Variants in C7orf78 observed in about 807,000 individuals in gnomAD.
C7orf78 encodes the protein chromosome 7 open reading frame 78, also known as putative uncharacterized protein C7orf78.
At chr7:12,507,866 G>C in the C7orf78 span, among the ~76,000 whole-genome samples, 1 of 152,050 alleles carries the variant, frequency 6.6e-6, no homozygotes, top group Non-Finnish European at 1.5e-5. Context: ...AAATACCATG[G>C]GTTTTGTGCA....
At chr7:12,535,799 T>G in the C7orf78 span, among the ~76,000 whole-genome samples, 433 of 152,338 alleles carry the variant, frequency 2.8e-3, 3 homozygotes, top group African/African-American at 9.5e-3. Flanking sequence ...ACAAAGGGGC[T>G]ACAGACCCCA....
the C7orf78 span, among the ~76,000 whole-genome samples, chr7:12,520,629 T>G: frequency 2.0e-5 from 3 of 152,216 alleles, no homozygotes; most frequent in African/African-American, 7.2e-5. Context: ...TGTTTAGACT[T>G]GCTTTGTGGC....
the C7orf78 span, among the ~76,000 whole-genome samples, chr7:12,509,358 C>G: frequency 6.6e-6 from 1 of 152,216 alleles, no homozygotes; most frequent in African/African-American, 2.4e-5. Context: ...AAAGATCTTA[C>G]GATAGAACTA....
the C7orf78 span, among the ~76,000 whole-genome samples, chr7:12,500,599 A>G: frequency 1.4e-3 from 211 of 151,672 alleles, 1 homozygote; most frequent in Middle Eastern, 0.027. Flanking sequence ...TAGCTTACCA[A>G]CCAAAAAGAG....
At chr7:12,497,645 C>T in the C7orf78 span, among the ~76,000 whole-genome samples, 1 of 152,046 alleles carries the variant, frequency 6.6e-6, no homozygotes, top group Non-Finnish European at 1.5e-5. Flanking sequence ...AAGGCGGCAG[C>T]GAGGCTGGGG....
At chr7:12,516,042 G>A in the C7orf78 span, among the ~76,000 whole-genome samples, 2 of 152,220 alleles carry the variant, frequency 1.3e-5, no homozygotes, top group African/African-American at 4.8e-5. Context: ...GGAGCCAAAT[G>A]TTAATTCCCA....
At chr7:12,509,647 T>C in the C7orf78 span, among the ~76,000 whole-genome samples, 1 of 152,230 alleles carries the variant, frequency 6.6e-6, no homozygotes, top group Non-Finnish European at 1.5e-5. Context: ...CAGTCTCTGA[T>C]ATTCATCATT....
the C7orf78 span, among the ~76,000 whole-genome samples, chr7:12,484,384 T>C: frequency 6.6e-6 from 1 of 152,230 alleles, no homozygotes; most frequent in Non-Finnish European, 1.5e-5. Context: ...ATGTACTTTC[T>C]GATTAAATTT....
At chr7:12,532,803 C>G in the C7orf78 span, among the ~76,000 whole-genome samples, 1 of 152,072 alleles carries the variant, frequency 6.6e-6, no homozygotes, top group African/African-American at 2.4e-5. Context: ...AGAGAGGCTA[C>G]TCAGTAAGAT....
chr7:12,489,943 A>G, the C7orf78 span, among the ~76,000 whole-genome samples: 2 of 152,152 alleles, frequency 1.3e-5, no homozygotes, highest in African/African-American at 4.8e-5. Flanking sequence ...TCTAAAAGCC[A>G]TGATTGGTGT....
At chr7:12,505,603 T>A in the C7orf78 span, among the ~76,000 whole-genome samples, 1 of 152,196 alleles carries the variant, frequency 6.6e-6, no homozygotes, top group Non-Finnish European at 1.5e-5. Flanking sequence ...TCTTTTATTT[T>A]CAGTGCAACA....
the C7orf78 span, among the ~76,000 whole-genome samples, chr7:12,499,053 C>T: frequency 1.3e-5 from 2 of 151,932 alleles, no homozygotes; most frequent in Non-Finnish European, 2.9e-5. Flanking sequence ...TTGTCACCAC[C>T]AGGCCTGCCC....
At chr7:12,522,354 A>G in the C7orf78 span, among the ~76,000 whole-genome samples, 1 of 152,110 alleles carries the variant, frequency 6.6e-6, no homozygotes, top group Non-Finnish European at 1.5e-5. Flanking sequence ...TGTAATAATG[A>G]TTTCCATGTC....
the C7orf78 span, among the ~76,000 whole-genome samples, chr7:12,513,000 C>T: frequency 6.6e-6 from 1 of 151,954 alleles, no homozygotes; most frequent in South Asian, 2.1e-4. Context: ...TTATATTTCT[C>T]TGGCATCAGT....
chr7:12,510,275 C>T, the C7orf78 span, among the ~76,000 whole-genome samples: 13 of 151,908 alleles, frequency 8.6e-5, no homozygotes, highest in Non-Finnish European at 1.5e-4. Flanking sequence ...CCCCAAACTC[C>T]CCAGACTCAG....
chr7:12,512,743 G>C, the C7orf78 span, among the ~76,000 whole-genome samples: 1 of 152,106 alleles, frequency 6.6e-6, no homozygotes, highest in Non-Finnish European at 1.5e-5. Context: ...GGAATAGTTT[G>C]AGGATGATTA....
At chr7:12,534,890 G>T in the C7orf78 span, among the ~76,000 whole-genome samples, 1 of 151,892 alleles carries the variant, frequency 6.6e-6, no homozygotes, top group Non-Finnish European at 1.5e-5. Context: ...GAAGGTTGAG[G>T]CTGCAGTGTT....
At chr7:12,486,965 G>C in the C7orf78 span, 1 of 149,542 alleles carries the variant, frequency 6.7e-6, no homozygotes. Flanking sequence ...TTTTTTCAGA[G>C]ACTAACTTCA....
At chr7:12,500,936 C>G in the C7orf78 span, among the ~76,000 whole-genome samples, 1 of 150,424 alleles carries the variant, frequency 6.6e-6, no homozygotes, top group Non-Finnish European at 1.5e-5. Flanking sequence ...ATACGCAAAT[C>G]AATAAATGTA....
Sources: gnomAD v4.1 joint callset for allele counts (sites outside exome capture counted in the v4.1 genomes callset) on GRCh38, gnomAD v4.1.1 for gene constraint, MANE v1.5 for transcripts, NCBI Gene and HGNC (gene_info 2026-07-23, HGNC 2026-07-21) for gene names.